The following DAB1 variants were observed in gnomAD, a reference collection of about 807,000 sequenced individuals.
DAB1 encodes disabled homolog 1.
In DAB1, 15 loss-of-function variants were observed where a neutral mutation model predicts 64.6. That is an observed-to-expected ratio of 0.23 (90% CI 0.16 to 0.36). The LOEUF is 0.36. Ranked by LOEUF, DAB1 falls within the 10% of genes least tolerant of loss-of-function variation. The pLI is 1.00. For synonymous variants in DAB1, 235 were observed against 251.9 expected, an observed-to-expected ratio of 0.93 and a Z score of 0.64; for missense variants, 596 against 706.7, an observed-to-expected ratio of 0.84 and a Z score of 1.78.
chr1:57,567,461 C>A (rs1645137021), intron 7 of DAB1, among the ~76,000 whole-genome samples: 1 of 152,120 alleles, frequency 6.6e-6, no homozygotes. Context: ...AAAGGGTATT[C>A]AATTAGGAAA....
chr1:57,924,744 C>T (rs749380346), intron 5 of DAB1, among the ~76,000 whole-genome samples: 1 of 150,596 alleles, frequency 6.6e-6, no homozygotes, highest in Non-Finnish European at 1.5e-5. Flanking sequence ...GCTAGGATTA[C>T]AGGTGGAGCC....
chr1:57,586,496 TA>T (rs1425719092), intron 7 of DAB1, among the ~76,000 whole-genome samples: 31 of 146,162 alleles, frequency 2.1e-4, no homozygotes, highest in South Asian at 8.8e-4. Flanking sequence ...TCTCTCTCTC[TA>T]TTTTTTTTCT....
chr1:57,654,552 G>T (rs1214981462), intron 6 of DAB1, among the ~76,000 whole-genome samples: 4 of 152,106 alleles, frequency 2.6e-5, no homozygotes, highest in Admixed American at 6.5e-5. Flanking sequence ...ACTCTTATGT[G>T]GGTATATATG....
chr1:57,284,272 C>T (rs1405590022), intron 2 of DAB1, among the ~76,000 whole-genome samples: 12 of 152,238 alleles, frequency 7.9e-5, no homozygotes, highest in East Asian at 7.7e-4. Flanking sequence ...CCCTCCCCTG[C>T]GCCACCCTCC....
intron 6 of DAB1, among the ~76,000 whole-genome samples, chr1:57,682,489 A>G (rs1646647411): frequency 1.3e-5 from 2 of 151,470 alleles, no homozygotes; most frequent in African/African-American, 4.9e-5. Context: ...TGGAGAGTGG[A>G]TGGAAAGGTG....
chr1:57,385,843 T>C (rs539535357), intron 1 of DAB1, among the ~76,000 whole-genome samples: 3 of 152,328 alleles, frequency 2.0e-5, no homozygotes, highest in South Asian at 2.1e-4. Context: ...CACTTTATCA[T>C]TGATCTCATT....
chr1:57,927,981 A>G (rs952146838), intron 5 of DAB1, among the ~76,000 whole-genome samples: 4 of 152,186 alleles, frequency 2.6e-5, no homozygotes, highest in Non-Finnish European at 5.9e-5. Flanking sequence ...TGCATTTTAA[A>G]TTGAATGCAG....
chr1:57,485,694 G>A (rs962474970), intron 7 of DAB1, among the ~76,000 whole-genome samples: 16 of 152,130 alleles, frequency 1.1e-4, no homozygotes, highest in Admixed American at 4.6e-4. Flanking sequence ...CTTTAAAAAG[G>A]AAATGCTAAC....
intron 5 of DAB1, among the ~76,000 whole-genome samples, chr1:58,017,984 T>G (rs562555477): frequency 4.7e-4 from 71 of 152,194 alleles, no homozygotes; most frequent in Non-Finnish European, 7.2e-4. Context: ...AATAACACAT[T>G]AAGCCATTTT....
At chr1:57,708,289 G>T (rs1646990360) in intron 6 of DAB1, among the ~76,000 whole-genome samples, 1 of 152,214 alleles carries the variant, frequency 6.6e-6, no homozygotes, top group South Asian at 2.1e-4. Flanking sequence ...TGGGCTTCAA[G>T]AATTTACCTG....
intron 7 of DAB1, among the ~76,000 whole-genome samples, chr1:57,552,028 T>G (rs1303137404): frequency 6.6e-6 from 1 of 152,162 alleles, no homozygotes; most frequent in Non-Finnish European, 1.5e-5. Flanking sequence ...CCCTTTCCAG[T>G]GAGGAAAGCT....
chr1:58,405,834 C>T (rs1179040432), intron 3 of DAB1, among the ~76,000 whole-genome samples: 7 of 152,216 alleles, frequency 4.6e-5, no homozygotes, highest in African/African-American at 1.7e-4. Flanking sequence ...TGCCTCATTT[C>T]TCACAGTGAC....
At chr1:57,656,352 T>TTGTGTG (rs148466319) in intron 6 of DAB1, among the ~76,000 whole-genome samples, 4 of 151,644 alleles carry the variant, frequency 2.6e-5, no homozygotes, top group Non-Finnish European at 4.4e-5. Flanking sequence ...GCAAAAGTAA[T>TTGTGTG]TGTGTGTGTG....
At chr1:58,152,486 T>C (rs1654999408) in intron 4 of DAB1, among the ~76,000 whole-genome samples, 1 of 152,094 alleles carries the variant, frequency 6.6e-6, no homozygotes, top group Non-Finnish European at 1.5e-5. Flanking sequence ...CCTGGGCAGC[T>C]CCTCACCCTT....
rs539009700 is a variant in DAB1, at chr1:57,211,017, G to A, written c.68-65588C>T. 6.5e-4 allele frequency among the ~76,000 whole-genome samples: 99 copies of A among 152,274 alleles called. 1 individual carries two copies. The highest frequency in any genetic ancestry group is 1.7e-3 in the South Asian group (8 of 4,822). Reference sequence around the variant, plus strand: ...GAACAAGTCCTGGAATTTTACACCTGGGTGCATTTCATTTTGTTTCTCTTC... The same window carrying A: ...GAACAAGTCCTGGAATTTTACACCTAGGTGCATTTCATTTTGTTTCTCTTC... On this transcript the variant is annotated intron_variant, in intron 2 of 14. Coordinates refer to ENST00000371236, the MANE Select transcript of DAB1 (RefSeq NM_001365792.1).
At chr1:57,963,615 C>T (rs1255422229) in intron 5 of DAB1, among the ~76,000 whole-genome samples, 2 of 152,124 alleles carry the variant, frequency 1.3e-5, no homozygotes, top group Non-Finnish European at 2.9e-5. Context: ...ACCCTTTGAG[C>T]TGATCATTTC....
chr1:57,464,901 A>C, intron 7 of DAB1, among the ~76,000 whole-genome samples: 1 of 150,816 alleles, frequency 6.6e-6, no homozygotes, highest in African/African-American at 2.4e-5. Flanking sequence ...TCTGTGAACC[A>C]CTGTACAATA....
chr1:58,378,986 T>C (rs1644359773), intron 3 of DAB1, among the ~76,000 whole-genome samples: 1 of 146,248 alleles, frequency 6.8e-6, no homozygotes, highest in African/African-American at 2.6e-5. Context: ...GAAAGGGAAC[T>C]CCCTGACCCC....
At position 58,279,520 on chromosome 1, in the gene DAB1, C is replaced by G. The variant is rs569299400; in HGVS notation, n.309+63832G>C. On this transcript the variant is annotated intron_variant and non_coding_transcript_variant, in intron 4 of 20. Coordinates refer to the DAB1 transcript ENST00000485760. ...GTTATTTAAACTAATTCTCACAACCCTGGAGCAGGGTATTATTGCCTTCAT... is the reference window on the plus strand; with the variant it reads ...GTTATTTAAACTAATTCTCACAACCGTGGAGCAGGGTATTATTGCCTTCAT... Among the ~76,000 whole-genome samples, 14 of 152,284 alleles carry G rather than the reference C, an allele frequency of 9.2e-5. No homozygotes were observed. The South Asian group carries it at 2.9e-3, about 32-fold the overall frequency.
Sources: allele counts gnomAD v4.1 joint callset (sites outside exome capture counted in the v4.1 genomes callset), GRCh38; gene constraint gnomAD v4.1.1; transcripts MANE v1.5; gene names NCBI Gene and HGNC (gene_info 2026-07-23, HGNC 2026-07-21).